Variants in RNF149 observed in about 807,000 individuals in gnomAD.
RNF149 encodes E3 ubiquitin-protein ligase RNF149.
In RNF149, 21 loss-of-function variants were observed where a neutral mutation model predicts 39.0. That is an observed-to-expected ratio of 0.54 (90% CI 0.38 to 0.77). The LOEUF (loss-of-function observed/expected upper bound fraction) is 0.77. RNF149 is among the 30% of genes least tolerant of loss of function. RNF149 has a pLI of 0.00. For synonymous variants in RNF149, 209 were observed against 213.6 expected, an observed-to-expected ratio of 0.98 and a Z score of 0.19; for missense variants, 493 against 534.9, an observed-to-expected ratio of 0.92 and a Z score of 0.77.
intron 3 of RNF149, among the ~76,000 whole-genome samples, chr2:101,289,490 G>A (rs1660713): frequency 0.82 from 125,029 of 151,980 alleles, 52,190 homozygotes; most frequent in East Asian, 1. Flanking sequence ...GCGGATCATG[G>A]GGTCAGGAGA....
chr2:101,282,071 A>G lies in RNF149; in HGVS notation c.961-14T>C, dbSNP rs1157947260. The G allele has an allele frequency of 1.2e-6, 2 of 1,613,510 alleles. No homozygotes were observed. The highest frequency in any genetic ancestry group is 1.7e-6 in the Non-Finnish European group (2 of 1,179,748). On this transcript the variant is annotated splice_polypyrimidine_tract_variant and intron_variant, in intron 5 of 6. Transcript: ENST00000295317. ...CCCAGGCTCTCCCTTGAGAATTAGA[A>G]CAGAAGAAAAAACATGATCAAAGCT...
chr2:101,274,317 G>A (rs887679338), downstream of RNF149, among the ~76,000 whole-genome samples: 1 of 152,174 alleles, frequency 6.6e-6, no homozygotes, highest in African/African-American at 2.4e-5. Context: ...GCCAGGACCC[G>A]TATGCTTCAG....
chr2:101,297,617 TCA>T (rs752868934), intron 1 of RNF149, among the ~76,000 whole-genome samples: 4 of 152,102 alleles, frequency 2.6e-5, no homozygotes, highest in African/African-American at 7.2e-5. Flanking sequence ...CCTCGACCTC[TCA>T]CAGTGTTGGG....
intron 1 of RNF149, among the ~76,000 whole-genome samples, chr2:101,301,954 C>A (rs969580887): frequency 1.3e-5 from 2 of 152,152 alleles, no homozygotes; most frequent in Non-Finnish European, 2.9e-5. Flanking sequence ...AGCAAGAAAT[C>A]ATTTTAAAGT....
chr2:101,277,378 G>A (rs1682385587), intron 6 of RNF149, 97 bp from the exon 7 acceptor site: 1 of 1,455,408 alleles, frequency 6.9e-7, no homozygotes, highest in Non-Finnish European at 9.1e-7. Context: ...GATAATTCAA[G>A]ATGGTAAACA....
chr2:101,276,018 T>C lies in RNF149; in HGVS notation c.*1220A>G. ...AGCTAGAATTAAAGCATTAAGTAGC[T>C]TGAGAAAATAATCTATATAAATCTT... On this transcript the variant is annotated 3_prime_UTR_variant, in exon 7 of 7. Transcript: ENST00000295317. 2.2e-6 allele frequency: 2 copies of C among 899,738 alleles called. No individual in the cohort carries two copies. The highest frequency in any genetic ancestry group is 5.8e-4 in the Middle Eastern group (1 of 1,736). The allele number at this position is 899,738 out of a possible 1,614,324, so 55.7% of individuals were successfully genotyped here. A position where few individuals can be genotyped will look rare whatever the true frequency, so the allele number is the denominator to read the frequency against.
At chr2:101,275,351 T>C (rs1413126779), downstream of RNF149, among the ~76,000 whole-genome samples, 1 of 145,820 alleles carries the variant, frequency 6.9e-6, no homozygotes, top group African/African-American at 2.6e-5. Flanking sequence ...TCTCCTGATC[T>C]TGTGATCTGC....
At chr2:101,306,459 C>A (rs1279397101) in intron 1 of RNF149, among the ~76,000 whole-genome samples, 1 of 152,188 alleles carries the variant, frequency 6.6e-6, no homozygotes, top group Non-Finnish European at 1.5e-5. Flanking sequence ...ACTGGAATAA[C>A]CGCACTGAAC....
At chr2:101,304,031 T>C (rs994739372) in intron 1 of RNF149, among the ~76,000 whole-genome samples, 1 of 152,234 alleles carries the variant, frequency 6.6e-6, no homozygotes, top group Non-Finnish European at 1.5e-5. Context: ...AAAGCTTTTG[T>C]TGTAGTGCTT....
In RNF149 at chr2:101,308,392, T is replaced by C; in HGVS notation, c.197A>G (p.Asp66Gly). Residue 66 changes from aspartate (D) to glycine (G), a missense_variant, in exon 1 of 7, where the codon GAC (aspartate) becomes GGC (glycine). By Grantham distance (94) the Asp-to-Gly change is moderately conservative. Transcript: ENST00000295317. ...ATGCGCGCCCTCCTTGGGCGAGCTG[T>C]CGCCGAAGCGGCCACTCTCCGAGAC... Reference protein sequence around the residue: ...WSVSESGRFGDSSPKEGAHGL... With the variant: ...WSVSESGRFGGSSPKEGAHGL... 1 of 1,610,192 alleles carries C rather than the reference T, an allele frequency of 6.2e-7. No individual in the cohort carries two copies. The highest frequency in any genetic ancestry group is 1.7e-5 in the Admixed American group (1 of 59,938).
chr2:101,297,200 A>C (rs1165965077), intron 1 of RNF149, among the ~76,000 whole-genome samples: 15 of 151,400 alleles, frequency 9.9e-5, no homozygotes, highest in Non-Finnish European at 1.5e-5. Flanking sequence ...CAAGAGCAAG[A>C]CTCCATCTCA....
At position 101,277,038 on chromosome 2, in the gene RNF149, T is replaced by C; in HGVS notation, c.*200A>G. The C allele has an allele frequency of 7.5e-7, 1 of 1,335,368 alleles. No individual in the cohort carries two copies. The highest frequency in any genetic ancestry group is 9.7e-7 in the Non-Finnish European group (1 of 1,033,416). The allele number at this position is 1,335,368 out of a possible 1,614,324, so 82.7% of individuals were successfully genotyped here. A position where few individuals can be genotyped will look rare whatever the true frequency, so the allele number is the denominator to read the frequency against. On this transcript the variant is annotated 3_prime_UTR_variant, in exon 7 of 7. Coordinates refer to ENST00000295317, the MANE Select transcript of RNF149 (RefSeq NM_173647.4). ...GTTCATGGTAAACACTCTATTTTAG[T>C]AGATAAATATATGAGGACTAATCGA...
At chr2:101,292,262 ATCT>A (rs1486441304) in intron 3 of RNF149, among the ~76,000 whole-genome samples, 4 of 152,184 alleles carry the variant, frequency 2.6e-5, no homozygotes, top group East Asian at 1.9e-4. Context: ...TCATTTAGAA[ATCT>A]TCTTAAAAAT....
chr2:101,276,734 AAGCTACAGAC>A lies in RNF149; in HGVS notation c.*494_*503del. ...TCACATACACTACAGATGGGCAAAA[AAGCTACAGAC>A]ATCTCAGTTTACAAGTTTCAAGTTC... On this transcript the variant is annotated 3_prime_UTR_variant, in exon 7 of 7. Transcript: ENST00000295317. The A allele has an allele frequency of 1.0e-6, 1 of 988,858 alleles. No homozygotes were observed. The highest frequency in any genetic ancestry group is 1.2e-6 in the Non-Finnish European group (1 of 831,894). The allele number at this position is 988,858 out of a possible 1,614,324, so 61.3% of individuals were successfully genotyped here. A position where few individuals can be genotyped will look rare whatever the true frequency, so the allele number is the denominator to read the frequency against.
In RNF149 at chr2:101,296,384, C is replaced by T. The variant is rs140985017; in HGVS notation, c.461-1203G>A. ...AAATATCGATAAGATTAAAAAAGAA[C>T]TAAACATATTGCTTCTAAGTTCACT... On this transcript the variant is annotated intron_variant, in intron 1 of 6. Transcript: ENST00000295317. 1.9e-3 allele frequency among the ~76,000 whole-genome samples: 290 copies of T among 152,126 alleles called. 5 individuals carry two copies. The highest frequency in any genetic ancestry group is 0.018 in the South Asian group (86 of 4,816).
intron 1 of RNF149, 155 bp downstream of exon 1, chr2:101,307,974 G>A (rs531691959): frequency 4.4e-5 from 43 of 985,344 alleles, no homozygotes; most frequent in Non-Finnish European, 5.1e-5. Flanking sequence ...GAGCCGCACC[G>A]AGCAAACGAG....
At chr2:101,287,323 C>T (rs1423603147) in intron 4 of RNF149, among the ~76,000 whole-genome samples, 1 of 150,662 alleles carries the variant, frequency 6.6e-6, no homozygotes, top group African/African-American at 2.4e-5. Context: ...AACTCTGTCT[C>T]AAAAAAATAA....
At chr2:101,284,445 C>T (rs1255167418) in intron 5 of RNF149, among the ~76,000 whole-genome samples, 1 of 151,860 alleles carries the variant, frequency 6.6e-6, no homozygotes, top group South Asian at 2.1e-4. Flanking sequence ...GCTGGGTGTA[C>T]TGGAGTGCAG....
downstream of RNF149, among the ~76,000 whole-genome samples, chr2:101,275,158 C>T (rs1230378076): frequency 9.2e-5 from 11 of 119,850 alleles, no homozygotes; most frequent in Admixed American, 8.3e-4. Context: ...TGCTCTGTCG[C>T]CCAGGCTGGA....
Sources: allele counts gnomAD v4.1 joint callset (sites outside exome capture counted in the v4.1 genomes callset), GRCh38; gene constraint gnomAD v4.1.1; transcripts MANE v1.5; gene names NCBI Gene and HGNC (gene_info 2026-07-23, HGNC 2026-07-21).